The following PGCKA1 variants were observed in gnomAD, a reference collection of about 807,000 sequenced individuals.
PGCKA1 encodes the protein PDCD10 and GCKIII kinases associated 1.
chr4:37,582,147 C>T, the PGCKA1 span, among the ~76,000 whole-genome samples: 17 of 152,270 alleles, frequency 1.1e-4, no homozygotes, highest in Admixed American at 6.5e-4. Context: ...GAATGGGCAG[C>T]GGCAGTTCAA....
At chr4:37,489,015 G>A in the PGCKA1 span, among the ~76,000 whole-genome samples, 1 of 152,070 alleles carries the variant, frequency 6.6e-6, no homozygotes, top group African/African-American at 2.4e-5. Flanking sequence ...TTTCCTAAGT[G>A]GTTCCTCAGG....
chr4:37,554,320 T>C, the PGCKA1 span, among the ~76,000 whole-genome samples: 1 of 151,970 alleles, frequency 6.6e-6, no homozygotes, highest in Non-Finnish European at 1.5e-5. Flanking sequence ...AATGGACTAA[T>C]ACAAAGAGCT....
chr4:37,497,666 AT>A, the PGCKA1 span, among the ~76,000 whole-genome samples: 1 of 152,124 alleles, frequency 6.6e-6, no homozygotes, highest in East Asian at 1.9e-4. Context: ...TTTGTTGGCC[AT>A]TTGTATATCT....
chr4:37,566,879 G>A, the PGCKA1 span, among the ~76,000 whole-genome samples: 1 of 152,154 alleles, frequency 6.6e-6, no homozygotes, highest in Non-Finnish European at 1.5e-5. Flanking sequence ...ACCGCGCCTG[G>A]TCCTGAGGCC....
the PGCKA1 span, among the ~76,000 whole-genome samples, chr4:37,454,327 T>C: frequency 6.6e-6 from 1 of 152,214 alleles, no homozygotes; most frequent in Non-Finnish European, 1.5e-5. Flanking sequence ...TTTGTAAAGC[T>C]TGGCGTTTAA....
the PGCKA1 span, among the ~76,000 whole-genome samples, chr4:37,564,272 C>G: frequency 2.0e-5 from 2 of 98,546 alleles, no homozygotes; most frequent in Admixed American, 1.2e-4. Context: ...GAGACTCTGT[C>G]TCAAAAAAAA....
At chr4:37,523,616 G>A in the PGCKA1 span, among the ~76,000 whole-genome samples, 8 of 152,024 alleles carry the variant, frequency 5.3e-5, no homozygotes, top group Admixed American at 4.6e-4. Context: ...AAGGTTATAC[G>A]CTGTCTGTTT....
At chr4:37,494,911 G>A in the PGCKA1 span, among the ~76,000 whole-genome samples, 1 of 151,768 alleles carries the variant, frequency 6.6e-6, no homozygotes. Context: ...TTTGTTGGGT[G>A]AACATATGTC....
chr4:37,535,605 T>G, the PGCKA1 span, among the ~76,000 whole-genome samples: 2,092 of 152,168 alleles, frequency 0.014, 41 homozygotes, highest in African/African-American at 0.048. Context: ...AACCAAGAGG[T>G]GTCTGGTGAG....
At chr4:37,482,618 A>T in the PGCKA1 span, among the ~76,000 whole-genome samples, 1 of 152,234 alleles carries the variant, frequency 6.6e-6, no homozygotes, top group Admixed American at 6.5e-5. Flanking sequence ...AGCCAGCTGC[A>T]GAAATTTGCA....
At chr4:37,488,037 T>A in the PGCKA1 span, among the ~76,000 whole-genome samples, 1,738 of 152,276 alleles carry the variant, frequency 0.011, 68 homozygotes, top group Admixed American at 0.073. Flanking sequence ...TATGTGCACT[T>A]TTGTGTAAAT....
chr4:37,472,167 T>A, the PGCKA1 span, among the ~76,000 whole-genome samples: 1 of 152,198 alleles, frequency 6.6e-6, no homozygotes, highest in Non-Finnish European at 1.5e-5. Context: ...GTCATGCAGT[T>A]AGGCTTGAGC....
At chr4:37,560,306 G>C in the PGCKA1 span, among the ~76,000 whole-genome samples, 1 of 152,116 alleles carries the variant, frequency 6.6e-6, no homozygotes. Context: ...TGGCCACACA[G>C]CCCTAACCTT....
chr4:37,459,668 C>T, the PGCKA1 span, among the ~76,000 whole-genome samples: 338 of 152,256 alleles, frequency 2.2e-3, no homozygotes, highest in Middle Eastern at 6.8e-3. Flanking sequence ...TCTACTGAAT[C>T]AGAACCTGCA....
At chr4:37,454,535 G>GC in the PGCKA1 span, among the ~76,000 whole-genome samples, 3 of 152,306 alleles carry the variant, frequency 2.0e-5, no homozygotes, top group African/African-American at 7.2e-5. Flanking sequence ...CCCGGTATTT[G>GC]CCCCCCAGGG....
chr4:37,584,685 A>G, the PGCKA1 span, among the ~76,000 whole-genome samples: 1 of 152,138 alleles, frequency 6.6e-6, no homozygotes, highest in Non-Finnish European at 1.5e-5. Flanking sequence ...GGTCTTGGCT[A>G]TAGCAGCAGA....
the PGCKA1 span, among the ~76,000 whole-genome samples, chr4:37,462,852 C>T: frequency 2.3e-3 from 338 of 150,050 alleles, 1 homozygote; most frequent in Non-Finnish European, 2.9e-3. Context: ...AAAAATTAGC[C>T]GGGCTTGGTG....
chr4:37,516,624 C>T, the PGCKA1 span, among the ~76,000 whole-genome samples: 119 of 152,276 alleles, frequency 7.8e-4, 1 homozygote, highest in African/African-American at 2.8e-3. Context: ...AATCACACCA[C>T]GAGCTCAAAT....
the PGCKA1 span, among the ~76,000 whole-genome samples, chr4:37,521,107 A>G: frequency 0.59 from 89,733 of 151,344 alleles, 27,125 homozygotes; most frequent in African/African-American, 0.7. Context: ...CTAATTTTGG[A>G]TTTGGTTTGC....
Sources: allele counts gnomAD v4.1 joint callset (sites outside exome capture counted in the v4.1 genomes callset), GRCh38; gene constraint gnomAD v4.1.1; transcripts MANE v1.5; gene names NCBI Gene and HGNC (gene_info 2026-07-23, HGNC 2026-07-21).